The following ROBO2 variants were observed in gnomAD, a reference collection of about 807,000 sequenced individuals.
ROBO2 encodes roundabout homolog 2.
A neutral mutation model predicts 160.8 loss-of-function variants in ROBO2; 53 were observed. The observed-to-expected ratio is 0.33, with a 90% CI of 0.26 to 0.41. The LOEUF (loss-of-function observed/expected upper bound fraction) is 0.41. Ranked by LOEUF, ROBO2 falls within the 10% of genes least tolerant of loss-of-function variation. The pLI is 1.00. For synonymous variants in ROBO2, 664 were observed against 611.7 expected (o/e 1.09, Z -1.26); for missense variants, 1,577 against 1,722.4 (o/e 0.92, Z 1.49).
chr3:76,126,686 A>G (rs903234591), intron 2 of ROBO2, among the ~76,000 whole-genome samples: 22 of 152,162 alleles, frequency 1.4e-4, no homozygotes, highest in African/African-American at 5.1e-4. Flanking sequence ...CCTATATTCT[A>G]TGGAATTAGA....
chr3:76,775,601 AC>A (rs1410511152), intron 2 of ROBO2, among the ~76,000 whole-genome samples: 1 of 150,732 alleles, frequency 6.6e-6, no homozygotes, highest in Admixed American at 6.6e-5. Flanking sequence ...CAAATATAAA[AC>A]TTATTAATGT....
intron 1 of ROBO2, among the ~76,000 whole-genome samples, chr3:77,082,780 G>A (rs1336322992): frequency 2.0e-5 from 3 of 151,404 alleles, no homozygotes; most frequent in Non-Finnish European, 4.4e-5. Context: ...TGTGATGAGT[G>A]AATGTGTATT....
intron 2 of ROBO2, among the ~76,000 whole-genome samples, chr3:77,287,005 G>A (rs2875436): frequency 0.1 from 15,553 of 152,186 alleles, 1,037 homozygotes; most frequent in East Asian, 0.35. Context: ...GTTGCCATTC[G>A]TTTGAGCTCT....
chr3:76,996,287 C>A (rs758945868), intron 2 of ROBO2, among the ~76,000 whole-genome samples: 3 of 152,092 alleles, frequency 2.0e-5, no homozygotes, highest in Non-Finnish European at 4.4e-5. Flanking sequence ...TTTCTGAGGG[C>A]TCTGTTCTGT....
intron 2 of ROBO2, among the ~76,000 whole-genome samples, chr3:77,256,288 C>G (rs1307832754): frequency 6.6e-6 from 1 of 152,138 alleles, no homozygotes; most frequent in Non-Finnish European, 1.5e-5. Flanking sequence ...AACATCAGTA[C>G]TTAAGTGTAG....
At chr3:76,181,715 C>A (rs1192474579) in intron 2 of ROBO2, among the ~76,000 whole-genome samples, 1 of 152,014 alleles carries the variant, frequency 6.6e-6, no homozygotes. Context: ...TTCTAGCTAG[C>A]TTTTAACCTC....
chr3:76,888,042 A>G (rs1279249555), intron 2 of ROBO2, among the ~76,000 whole-genome samples: 1 of 152,202 alleles, frequency 6.6e-6, no homozygotes, highest in East Asian at 1.9e-4. Context: ...AATGGATAGT[A>G]GGATCCAAAC....
At chr3:76,035,528 A>C (rs1303325993) in intron 2 of ROBO2, among the ~76,000 whole-genome samples, 1 of 151,964 alleles carries the variant, frequency 6.6e-6, no homozygotes, top group East Asian at 1.9e-4. Context: ...TTTCTCCTCT[A>C]TGCCATAAAA....
At chr3:77,003,044 A>G (rs2061408123) in intron 2 of ROBO2, among the ~76,000 whole-genome samples, 1 of 152,154 alleles carries the variant, frequency 6.6e-6, no homozygotes, top group African/African-American at 2.4e-5. Flanking sequence ...GAGCGTTTTG[A>G]TTATATTATT....
chr3:77,307,376 A>G (rs772576351), intron 2 of ROBO2, among the ~76,000 whole-genome samples: 2 of 152,198 alleles, frequency 1.3e-5, no homozygotes, highest in Non-Finnish European at 2.9e-5. Flanking sequence ...AGTAGAGTTT[A>G]CCATCTTGGC....
Position 76,268,659 on chromosome 3 carries a change from T to A in ROBO2, c.109+331057T>A, listed in dbSNP as rs1035062863. On this transcript the variant is annotated intron_variant, in intron 2 of 26. Transcript: ENST00000487694. ...TAACCTTAATTACCTTCAAATAAAG[T>A]CACGTTTGAATTAGGGTTCAAGATA... Among the ~76,000 whole-genome samples the A allele has an allele frequency of 5.3e-5, 8 of 152,116 alleles. No homozygotes were observed. In the East Asian group the frequency reaches 1.5e-3, roughly 29 times the overall value.
At chr3:77,404,225 A>G (rs1260718347) in intron 2 of ROBO2, among the ~76,000 whole-genome samples, 12 of 152,160 alleles carry the variant, frequency 7.9e-5, no homozygotes, top group Non-Finnish European at 5.9e-5. Flanking sequence ...GTGTAAGTTT[A>G]TGTACACAGC....
At chr3:77,189,283 T>A (rs1428100792) in intron 2 of ROBO2, among the ~76,000 whole-genome samples, 1 of 151,794 alleles carries the variant, frequency 6.6e-6, no homozygotes, top group Non-Finnish European at 1.5e-5. Context: ...ATGTGGAACA[T>A]CTTGAAGATT....
chr3:77,257,500 A>G lies in ROBO2; in HGVS notation c.388+159160A>G, dbSNP rs540771561. ...GACATGAGTAGGGAGCTCGCATGGT[A>G]TTTCAAAAAGAGTGATTGCTAGAAA... is the stretch of plus-strand genomic sequence containing the variant. On this transcript the variant is annotated intron_variant, in intron 2 of 25. Coordinates refer to ENST00000461745, the Ensembl canonical transcript of ROBO2. 2.6e-5 allele frequency among the ~76,000 whole-genome samples: 4 copies of G among 152,340 alleles called. No homozygotes were observed. The South Asian group carries it at 8.3e-4, about 32-fold the overall frequency.
At chr3:77,056,034 A>T (rs2065710139) in intron 1 of ROBO2, among the ~76,000 whole-genome samples, 1 of 152,230 alleles carries the variant, frequency 6.6e-6, no homozygotes. Context: ...TATTTATCTC[A>T]CACAAAGAGA....
At chr3:76,865,141 A>G (rs1032364023) in intron 2 of ROBO2, among the ~76,000 whole-genome samples, 1 of 152,066 alleles carries the variant, frequency 6.6e-6, no homozygotes, top group African/African-American at 2.4e-5. Context: ...TCTAAAAAAA[A>G]AAATCCAAAA....
intron 2 of ROBO2, among the ~76,000 whole-genome samples, chr3:77,416,941 A>G (rs1560775750): frequency 6.6e-6 from 1 of 152,088 alleles, no homozygotes; most frequent in Non-Finnish European, 1.5e-5. Context: ...CGAGGATGAG[A>G]CAGATTTGGT....
In ROBO2 at chr3:77,409,958, T is replaced by C. The variant is rs370197859; in HGVS notation, c.389-67456T>C. ...CACATTTAGCACAGCACAATAAAAA[T>C]ACAAGTAAAACAGAAACTACTTTTT... On this transcript the variant is annotated intron_variant, in intron 2 of 25. Coordinates refer to ENST00000461745, the Ensembl canonical transcript of ROBO2. Among the ~76,000 whole-genome samples, 171 of 152,244 alleles carry C rather than the reference T, an allele frequency of 1.1e-3. 3 individuals are homozygous for C. The South Asian group carries it at 0.034, about 30-fold the overall frequency.
At chr3:77,058,371 A>C (rs562378339) in intron 1 of ROBO2, among the ~76,000 whole-genome samples, 1 of 152,290 alleles carries the variant, frequency 6.6e-6, no homozygotes, top group South Asian at 2.1e-4. Context: ...ATAAAATATT[A>C]TTGTGTGCCA....
Sources: gnomAD v4.1 joint callset for allele counts (sites outside exome capture counted in the v4.1 genomes callset) on GRCh38, gnomAD v4.1.1 for gene constraint, MANE v1.5 for transcripts, NCBI Gene and HGNC (gene_info 2026-07-23, HGNC 2026-07-21) for gene names.